MRPL44: variants seen among roughly 807,000 people sequenced by gnomAD.
MRPL44 encodes the protein mitochondrial ribosomal protein L44, also known as large ribosomal subunit protein mL44.
MRPL44 carries 21 observed loss-of-function variants against 25.9 expected under a neutral mutation model. The observed-to-expected ratio is 0.81, with a 90% CI of 0.58 to 1.17. MRPL44 has a LOEUF of 1.17. Ranked by LOEUF, MRPL44 falls within the 50% of genes most tolerant of loss-of-function variation. The pLI, the probability that MRPL44 is intolerant of heterozygous loss-of-function variation, is 0.00. For missense variants in MRPL44, 410 were observed against 398.9 expected (o/e 1.03, Z -0.24); for synonymous variants, 169 against 151.0 (o/e 1.12, Z -0.87).
upstream of MRPL44, among the ~76,000 whole-genome samples, chr2:223,956,806 A>G (rs1689570093): frequency 6.6e-6 from 1 of 152,222 alleles, no homozygotes; most frequent in African/African-American, 2.4e-5. Context: ...GGAAAGCAAT[A>G]GAATTACATT....
upstream of MRPL44, among the ~76,000 whole-genome samples, chr2:223,955,980 G>A (rs1036600): frequency 0.39 from 58,915 of 151,938 alleles, 11,789 homozygotes; most frequent in Non-Finnish European, 0.44. Flanking sequence ...TGATGCTCTC[G>A]TTGTTGTATG....
rs1689752737 is a variant in MRPL44 at position 223,967,028 on chromosome 2, C to G, written c.993C>G (p.Ala331=). The change falls in exon 4 of 4, where the codon GCC becomes GCG. Residue 331 remains alanine (A), a synonymous_variant. Coordinates refer to ENST00000258383, the MANE Select transcript of MRPL44 (RefSeq NM_022915.5). Reference sequence around the variant, plus strand: ...TGAGAGCAGAAAAGAGCATCACTGCCAGCTAGCCGCCATGGATGCAGCAGC... The same window carrying G: ...TGAGAGCAGAAAAGAGCATCACTGCGAGCTAGCCGCCATGGATGCAGCAGC... ...ETLRAEKSIT[A]S 1.9e-6 allele frequency: 3 copies of G among 1,608,086 alleles called. No individual in the cohort carries two copies. The highest frequency in any genetic ancestry group is 2.7e-5 in the African/African-American group (2 of 74,710).
upstream of MRPL44, among the ~76,000 whole-genome samples, chr2:223,953,335 A>G (rs1689517844): frequency 1.3e-5 from 2 of 152,050 alleles, no homozygotes; most frequent in Admixed American, 1.3e-4. Flanking sequence ...AGGTTTCACC[A>G]TGTTGGCCAG....
intron 2 of MRPL44, 74 bp downstream of exon 2, chr2:223,960,076 T>C (rs2106116873): frequency 8.1e-7 from 1 of 1,240,062 alleles, no homozygotes; most frequent in East Asian, 2.4e-5. Flanking sequence ...ACTTCTTTGA[T>C]ATATCACCTT....
rs373032175 is a variant in MRPL44 at position 223,958,699 on chromosome 2, G to A, written c.180-835G>A. Reference sequence around the variant, plus strand: ...TCCAGAGATGACTTAAAGTATACAGGAGGATGTGCATAGGTTATATGCAGA... The same window carrying A: ...TCCAGAGATGACTTAAAGTATACAGAAGGATGTGCATAGGTTATATGCAGA... On this transcript the variant is annotated intron_variant, in intron 1 of 3. Transcript: ENST00000258383. Among the ~76,000 whole-genome samples the A allele has an allele frequency of 1.2e-4, 18 of 152,168 alleles. 3 individuals carry two copies. Among genetic ancestry groups the A allele is most frequent in the Admixed American group, 9.8e-4 (15 of 15,268 alleles).
In MRPL44 at chr2:223,966,763, A is replaced by T. The variant is rs1574797416; in HGVS notation, c.828-100A>T. 1.2e-5 allele frequency: 12 copies of T among 1,020,218 alleles called. No individual in the cohort carries two copies. In the East Asian group the frequency reaches 2.9e-4, roughly 25 times the overall value. The allele number at this position is 1,020,218 out of a possible 1,614,324, so 63.2% of individuals were successfully genotyped here. ...TATTGTGTTACTTCTAATGGGTATT[A>T]TTGAAATAGATGTAGAAGGCATAAT... On this transcript the variant is annotated intron_variant, in intron 3 of 3. Coordinates refer to ENST00000258383, the MANE Select transcript of MRPL44 (RefSeq NM_022915.5).
upstream of MRPL44, among the ~76,000 whole-genome samples, chr2:223,953,425 G>GC (rs112664888): frequency 0.091 from 13,885 of 152,134 alleles, 2,095 homozygotes; most frequent in African/African-American, 0.32. Context: ...GAGCCACCGT[G>GC]CCAGCCCAGA....
chr2:223,957,824 G>T (rs1689596124), intron 1 of MRPL44, among the ~76,000 whole-genome samples, 173 bp downstream of exon 1: 1 of 152,210 alleles, frequency 6.6e-6, no homozygotes, highest in Non-Finnish European at 1.5e-5. Flanking sequence ...ATGGATTTGT[G>T]CCGCGGGCGG....
Position 223,963,731 on chromosome 2 carries a change from GTATAAATTATATTTT to G in MRPL44, c.649-20_649-6del. Reference sequence around the variant, plus strand: ...TAATGTTCTTTCTACTAATTAAAATGTATAAATTATATTTTTATATGCAGGACTTCTTAATTACTC... The same window carrying G: ...TAATGTTCTTTCTACTAATTAAAATGTATATGCAGGACTTCTTAATTACTC... On this transcript the variant is annotated splice_polypyrimidine_tract_variant and intron_variant, in intron 2 of 3. Transcript: ENST00000258383. 2 of 1,431,830 alleles carry G rather than the reference GTATAAATTATATTTT, an allele frequency of 1.4e-6. No individual in the cohort carries two copies. The highest frequency in any genetic ancestry group is 1.9e-6 in the Non-Finnish European group (2 of 1,066,496). The allele number at this position is 1,431,830 out of a possible 1,614,324, so 88.7% of individuals were successfully genotyped here. A position where few individuals can be genotyped will look rare whatever the true frequency, so the allele number is the denominator to read the frequency against.
intron 3 of MRPL44, among the ~76,000 whole-genome samples, chr2:223,965,466 A>T (rs559435563): frequency 6.6e-6 from 1 of 152,336 alleles, no homozygotes; most frequent in Non-Finnish European, 1.5e-5. Context: ...CTGATTTAGT[A>T]AATGCAGTTG....
Position 223,957,674 on chromosome 2 carries a change from G to T in MRPL44, c.179+23G>T, listed in dbSNP as rs375576699. 1.6e-5 allele frequency: 25 copies of T among 1,592,204 alleles called. No homozygotes were observed. In the African/African-American group the frequency reaches 2.9e-4, roughly 19 times the overall value. ...CCGGTAGGAGCCACCTCGGGAAGAG[G>T]TCTCAGGGTGGCGGTCGCAGACACT... is the stretch of plus-strand genomic sequence containing the variant. On this transcript the variant is annotated intron_variant, in intron 1 of 3. Transcript: ENST00000258383.
chr2:223,966,165 G>A (rs2106120150), intron 3 of MRPL44, among the ~76,000 whole-genome samples: 1 of 151,738 alleles, frequency 6.6e-6, no homozygotes, highest in African/African-American at 2.4e-5. Flanking sequence ...GAACCCAGGA[G>A]GCGGAGCCTG....
Position 223,957,502 on chromosome 2 carries a change from G to T in MRPL44, c.30G>T (p.Gln10His), listed in dbSNP as rs201475876. 6.2e-7 allele frequency: 1 copy of T among 1,614,136 alleles called. No individual in the cohort carries two copies. The highest frequency in any genetic ancestry group is 1.7e-5 in the Admixed American group (1 of 60,038). MASGLVRLL[Q>H]QGHRCLLAPV... ...CGTCCGGGCTGGTAAGATTGCTGCA[G>T]CAGGGACATCGCTGCCTCCTGGCTC... Residue 10 changes from glutamine to histidine, a missense_variant, in exon 1 of 4, where the codon CAG (glutamine) becomes CAT (histidine). Coordinates refer to ENST00000258383, the MANE Select transcript of MRPL44 (RefSeq NM_022915.5).
chr2:223,951,478 G>GTTTTTTTTTGTTTTGTTTTTT, the MRPL44 span, among the ~76,000 whole-genome samples: 19 of 112,544 alleles, frequency 1.7e-4, 2 homozygotes, highest in South Asian at 5.7e-4. Flanking sequence ...TTACCTTGGA[G>GTTTTTTTTTGTTTTGTTTTTT]TTTTTTTTTT....
the MRPL44 span, among the ~76,000 whole-genome samples, chr2:223,951,478 G>GTT: frequency 2.4e-4 from 27 of 112,534 alleles, no homozygotes; most frequent in African/African-American, 5.4e-4. Flanking sequence ...TTACCTTGGA[G>GTT]TTTTTTTTTT....
upstream of MRPL44, among the ~76,000 whole-genome samples, chr2:223,955,071 AT>A (rs1689544731): frequency 6.6e-6 from 1 of 152,054 alleles, no homozygotes; most frequent in Non-Finnish European, 1.5e-5. Context: ...TGCTTAATGT[AT>A]TTTCATGAAT....
chr2:223,957,313 G>T, upstream of MRPL44: 1 of 819,176 alleles, frequency 1.2e-6, no homozygotes, highest in Non-Finnish European at 1.9e-6. Context: ...CCGCCCCGGG[G>T]CTGTCTCCGC....
Position 223,967,600 on chromosome 2 carries a change from A to G in MRPL44, c.*566A>G, listed in dbSNP as rs1312443718. On this transcript the variant is annotated 3_prime_UTR_variant, in exon 4 of 4. Coordinates refer to ENST00000258383, the MANE Select transcript of MRPL44 (RefSeq NM_022915.5). ...AATGTTCTTGATTTAATTGTATAGAATTTGTATAATTAGGTGTATTTTATT... is the reference window on the plus strand; with the variant it reads ...AATGTTCTTGATTTAATTGTATAGAGTTTGTATAATTAGGTGTATTTTATT... 1 of 152,180 alleles carries G rather than the reference A, an allele frequency of 6.6e-6. No homozygotes were observed. Among genetic ancestry groups the G allele is most frequent in the Non-Finnish European group, 1.5e-5 (1 of 68,040 alleles). The allele number at this position is 152,180 out of a possible 1,614,324, so 9.4% of individuals were successfully genotyped here.
At chr2:223,952,297 A>G in the MRPL44 span, among the ~76,000 whole-genome samples, 1 of 152,120 alleles carries the variant, frequency 6.6e-6, no homozygotes, top group African/African-American at 2.4e-5. Flanking sequence ...TCCAGTCCCC[A>G]CTGGCTATAG....
Sources: allele counts gnomAD v4.1 joint callset (sites outside exome capture counted in the v4.1 genomes callset), GRCh38; gene constraint gnomAD v4.1.1; transcripts MANE v1.5; gene names NCBI Gene and HGNC (gene_info 2026-07-23, HGNC 2026-07-21).